The following SUMF1 variants were observed in gnomAD, a reference collection of about 807,000 sequenced individuals.
SUMF1 encodes sulfatase modifying factor 1.
A neutral mutation model predicts 47.6 loss-of-function variants in SUMF1; 48 were observed. The observed-to-expected ratio is 1.01, with a 90% CI of 0.80 to 1.28. The LOEUF (loss-of-function observed/expected upper bound fraction) is 1.28, where lower values mean the gene tolerates loss of function less well. SUMF1 is among the 50% of genes most tolerant of loss of function. The pLI is 0.00. For synonymous variants in SUMF1, 230 were observed against 192.1 expected (o/e 1.20, Z -1.63); for missense variants, 571 against 485.4 (o/e 1.18, Z -1.66).
At chr3:4,162,523 T>G (rs1250447568) in intron 8 of SUMF1, among the ~76,000 whole-genome samples, 1 of 152,186 alleles carries the variant, frequency 6.6e-6, no homozygotes, top group African/African-American at 2.4e-5. Context: ...TGCTAGGGCC[T>G]GTCTATGCTT....
intron 8 of SUMF1, among the ~76,000 whole-genome samples, chr3:4,189,495 A>G (rs551793908): frequency 6.6e-6 from 1 of 152,156 alleles, no homozygotes. Context: ...TGATAAATGT[A>G]CAAACATGAT....
chr3:4,127,852 G>C (rs1267348808), intron 8 of SUMF1, among the ~76,000 whole-genome samples: 1 of 152,048 alleles, frequency 6.6e-6, no homozygotes, highest in East Asian at 1.9e-4. Flanking sequence ...CCAAAAATGG[G>C]AAGGACTTTA....
chr3:4,212,489 ACCAGAATG>A (rs1406852290), intron 8 of SUMF1, among the ~76,000 whole-genome samples: 1 of 152,156 alleles, frequency 6.6e-6, no homozygotes, highest in African/African-American at 2.4e-5. Context: ...AATTCCAAAA[ACCAGAATG>A]CCTCTTCTCC....
intron 8 of SUMF1, among the ~76,000 whole-genome samples, chr3:4,073,460 G>C (rs183556852): frequency 1.8e-4 from 27 of 152,264 alleles, no homozygotes; most frequent in African/African-American, 6.5e-4. Flanking sequence ...GCATCATAAT[G>C]ACAGGATCAG....
At chr3:4,440,134 G>T (rs56298543) in intron 3 of SUMF1, among the ~76,000 whole-genome samples, 8 of 151,332 alleles carry the variant, frequency 5.3e-5, no homozygotes, top group African/African-American at 1.5e-4. Context: ...TACTTGGGAG[G>T]CTGAGGCAGG....
At chr3:4,123,904 C>T (rs554118283) in intron 8 of SUMF1, among the ~76,000 whole-genome samples, 1 of 152,174 alleles carries the variant, frequency 6.6e-6, no homozygotes, top group East Asian at 1.9e-4. Context: ...CATGGGGACT[C>T]GACAATGGCT....
At chr3:4,286,378 A>G (rs1183732404) in intron 8 of SUMF1, among the ~76,000 whole-genome samples, 1 of 152,142 alleles carries the variant, frequency 6.6e-6, no homozygotes, top group Non-Finnish European at 1.5e-5. Flanking sequence ...GGCTGGGAAC[A>G]TCTTCTAATA....
At chr3:4,360,859 C>T (rs920094164), downstream of SUMF1, among the ~76,000 whole-genome samples, 1 of 152,072 alleles carries the variant, frequency 6.6e-6, no homozygotes, top group Admixed American at 6.5e-5. Flanking sequence ...AGGTGCTTTC[C>T]CGGCATGGGA....
intron 8 of SUMF1, among the ~76,000 whole-genome samples, chr3:4,212,526 G>A (rs116684058): frequency 1.9e-3 from 282 of 152,164 alleles, no homozygotes; most frequent in African/African-American, 5.9e-3. Flanking sequence ...ACAACTACTC[G>A]CCAACAAGGG....
At chr3:4,151,540 T>C (rs1225521629) in intron 8 of SUMF1, among the ~76,000 whole-genome samples, 1 of 122,322 alleles carries the variant, frequency 8.2e-6, no homozygotes, top group Non-Finnish European at 1.7e-5. Flanking sequence ...TATGTGTATA[T>C]ATATGTGTGT....
chr3:4,058,249 A>G (rs79664372), intron 9 of SUMF1, among the ~76,000 whole-genome samples: 7,896 of 152,200 alleles, frequency 0.052, 708 homozygotes, highest in African/African-American at 0.18. Flanking sequence ...GCGAGCAGGT[A>G]TATACACATA....
intron 8 of SUMF1, among the ~76,000 whole-genome samples, chr3:4,355,527 T>G (rs1420098833): frequency 2.6e-5 from 4 of 152,246 alleles, no homozygotes; most frequent in Admixed American, 6.5e-5. Flanking sequence ...AAAGTAAATG[T>G]AGGTGAACCT....
intron 8 of SUMF1, among the ~76,000 whole-genome samples, chr3:4,249,654 T>C (rs1020150810): frequency 1.3e-5 from 2 of 152,152 alleles, no homozygotes; most frequent in Non-Finnish European, 2.9e-5. Flanking sequence ...ATTGAAATTA[T>C]GCCAACTAAT....
intron 1 of SUMF1, among the ~76,000 whole-genome samples, chr3:4,455,526 G>A (rs1703130355): frequency 6.6e-6 from 1 of 152,178 alleles, no homozygotes; most frequent in Admixed American, 6.5e-5. Context: ...GGCCAGCCTG[G>A]CCAACACGGT....
chr3:4,465,973 G>T (rs2079933540), intron 1 of SUMF1, among the ~76,000 whole-genome samples: 1 of 152,188 alleles, frequency 6.6e-6, no homozygotes, highest in African/African-American at 2.4e-5. Context: ...AATGGGAAAA[G>T]GATAGTGTCT....
At chr3:4,375,305 T>C (rs1700293850) in intron 8 of SUMF1, among the ~76,000 whole-genome samples, 1 of 152,088 alleles carries the variant, frequency 6.6e-6, no homozygotes, top group Non-Finnish European at 1.5e-5. Context: ...CAAACTCACA[T>C]ATATACATAA....
intron 8 of SUMF1, among the ~76,000 whole-genome samples, chr3:4,293,663 T>C (rs202144301): frequency 2.0e-5 from 3 of 152,306 alleles, no homozygotes; most frequent in South Asian, 2.1e-4. Context: ...AGTAGCCTAA[T>C]AGACTGTTCT....
At chr3:4,335,922 T>C (rs549044527) in intron 8 of SUMF1, among the ~76,000 whole-genome samples, 1 of 127,362 alleles carries the variant, frequency 7.9e-6, no homozygotes, top group African/African-American at 3.0e-5. Context: ...GATCATGCCA[T>C]TGCACTCCAG....
At chr3:4,390,141 T>C (rs897464330) in intron 7 of SUMF1, among the ~76,000 whole-genome samples, 4 of 152,214 alleles carry the variant, frequency 2.6e-5, no homozygotes, top group Non-Finnish European at 5.9e-5. Context: ...AGAGAAGGTG[T>C]GATCCTGTTA....
Sources: gnomAD v4.1 joint callset for allele counts (sites outside exome capture counted in the v4.1 genomes callset) on GRCh38, gnomAD v4.1.1 for gene constraint, MANE v1.5 for transcripts, NCBI Gene and HGNC (gene_info 2026-07-23, HGNC 2026-07-21) for gene names.